Variants in IL1RAPL1 observed in about 807,000 individuals in gnomAD.
IL1RAPL1 encodes interleukin 1 receptor accessory protein like 1.
IL1RAPL1 carries 3 observed loss-of-function variants against 48.4 expected under a neutral mutation model. The observed-to-expected ratio is 0.06, with a 90% CI of 0.03 to 0.16. The LOEUF (loss-of-function observed/expected upper bound fraction) is 0.16. IL1RAPL1 is among the 10% of genes least tolerant of loss of function. The pLI, the probability that IL1RAPL1 is intolerant of heterozygous loss-of-function variation, is 1.00. For missense variants in IL1RAPL1, 349 were observed against 530.6 expected, an observed-to-expected ratio of 0.66 and a Z score of 3.36; for synonymous variants, 185 against 187.7, an observed-to-expected ratio of 0.99 and a Z score of 0.12.
At chrX:29,533,360 T>C (rs747000476) in intron 5 of IL1RAPL1, among the ~76,000 whole-genome samples, 1 of 112,424 alleles carries the variant, frequency 8.9e-6, no homozygotes, top group African/African-American at 3.2e-5. Flanking sequence ...TGGAATCATA[T>C]ACCATGTGGA....
intron 6 of IL1RAPL1, among the ~76,000 whole-genome samples, chrX:29,839,697 C>T (rs1375143571): frequency 2.7e-5 from 3 of 112,328 alleles, no homozygotes; most frequent in African/African-American, 9.7e-5. Flanking sequence ...GAGAGGATCA[C>T]TTGAGGCCAG....
chrX:28,948,467 G>A (rs1304386037), intron 2 of IL1RAPL1, among the ~76,000 whole-genome samples: 1 of 110,585 alleles, frequency 9.0e-6, no homozygotes, highest in Non-Finnish European at 1.9e-5. Flanking sequence ...TGAACCCCAT[G>A]CAGAGAGAAG....
chrX:29,180,576 C>T (rs1390193866), intron 2 of IL1RAPL1, among the ~76,000 whole-genome samples: 4 of 110,390 alleles, frequency 3.6e-5, no homozygotes, highest in East Asian at 5.7e-4. Context: ...GGGGTTTCAC[C>T]GTGTTGGCCA....
intron 2 of IL1RAPL1, among the ~76,000 whole-genome samples, chrX:28,829,381 T>C (rs751267366): frequency 9.0e-6 from 1 of 110,678 alleles, no homozygotes; most frequent in East Asian, 2.9e-4. Context: ...TCTGGTACAG[T>C]GTTGAATGGA....
chrX:29,566,526 G>A (rs1922412575), intron 5 of IL1RAPL1, among the ~76,000 whole-genome samples: 1 of 112,113 alleles, frequency 8.9e-6, no homozygotes, highest in Non-Finnish European at 1.9e-5. Flanking sequence ...GGGATAAATA[G>A]CAAATTTCTA....
intron 5 of IL1RAPL1, among the ~76,000 whole-genome samples, chrX:29,570,007 T>A (rs1433008881): frequency 8.9e-6 from 1 of 112,029 alleles, no homozygotes; most frequent in African/African-American, 3.2e-5. Flanking sequence ...CATATGGAAA[T>A]ACGTGAAGGC....
chrX:29,886,906 G>C (rs1932179732), intron 6 of IL1RAPL1, among the ~76,000 whole-genome samples: 1 of 111,743 alleles, frequency 8.9e-6, no homozygotes, highest in Non-Finnish European at 1.9e-5. Flanking sequence ...TTATACCCTT[G>C]TTTTGATGAT....
intron 6 of IL1RAPL1, among the ~76,000 whole-genome samples, chrX:29,764,223 C>A (rs1928823750): frequency 9.0e-6 from 1 of 111,557 alleles, no homozygotes; most frequent in Admixed American, 9.6e-5. Context: ...CTATGATACT[C>A]CAGAGGCACA....
chrX:29,796,039 C>T (rs138345514), intron 6 of IL1RAPL1, among the ~76,000 whole-genome samples: 274 of 112,210 alleles, frequency 2.4e-3, no homozygotes, highest in African/African-American at 8.5e-3. Flanking sequence ...CTCAGTTTAC[C>T]CTTTGTAAAT....
chrX:28,847,732 C>T lies in IL1RAPL1; in HGVS notation c.82+58307C>T, dbSNP rs185603841. Among the ~76,000 whole-genome samples the T allele has an allele frequency of 6.1e-3, 685 of 111,587 alleles. 2 individuals are homozygous for T. Among genetic ancestry groups the T allele is most frequent in the Non-Finnish European group, 0.011 (571 of 53,101 alleles). On this transcript the variant is annotated intron_variant, in intron 2 of 10. Transcript: ENST00000378993. ...GCTCCCCTGCCTGTCACAGTCAGCT[C>T]CTTCAGGTCTTTTCTCAAACACCTC...
At chrX:29,645,176 A>T (rs1343251675) in intron 5 of IL1RAPL1, among the ~76,000 whole-genome samples, 1 of 112,143 alleles carries the variant, frequency 8.9e-6, no homozygotes, top group African/African-American at 3.2e-5. Context: ...ACTGGTACCT[A>T]ATATTTTTCA....
At chrX:28,773,152 C>G (rs1324296146) in intron 1 of IL1RAPL1, among the ~76,000 whole-genome samples, 5 of 110,832 alleles carry the variant, frequency 4.5e-5, no homozygotes, top group African/African-American at 1.6e-4. Flanking sequence ...TAGCACACTG[C>G]AGCCTCGAAC....
intron 2 of IL1RAPL1, among the ~76,000 whole-genome samples, chrX:28,839,611 CAGTG>C (rs1921315665): frequency 2.7e-5 from 3 of 110,583 alleles, no homozygotes; most frequent in African/African-American, 9.8e-5. Flanking sequence ...TGCATGTTGA[CAGTG>C]AGAGCTACAA....
chrX:29,107,018 ATTC>A (rs1928462082), intron 2 of IL1RAPL1, among the ~76,000 whole-genome samples: 1 of 111,888 alleles, frequency 8.9e-6, no homozygotes, highest in Admixed American at 9.5e-5. Flanking sequence ...CTCTTTTTCT[ATTC>A]TTGAGCAAAA....
intron 5 of IL1RAPL1, among the ~76,000 whole-genome samples, chrX:29,567,060 C>G (rs1228814257): frequency 9.0e-6 from 1 of 111,090 alleles, no homozygotes; most frequent in Non-Finnish European, 1.9e-5. Context: ...TTGATAATGT[C>G]AAATAATTTT....
chrX:28,930,751 C>T (rs904284430), intron 2 of IL1RAPL1, among the ~76,000 whole-genome samples: 1 of 111,746 alleles, frequency 8.9e-6, no homozygotes, highest in Non-Finnish European at 1.9e-5. Flanking sequence ...AAGCCATTCT[C>T]CTGCCTCAGT....
chrX:29,077,763 C>T (rs764484213), intron 2 of IL1RAPL1, among the ~76,000 whole-genome samples: 9 of 111,260 alleles, frequency 8.1e-5, no homozygotes, highest in Middle Eastern at 4.7e-3. Flanking sequence ...TCACAAGACA[C>T]GGCAAATCTA....
At chrX:29,390,985 C>T (rs1933845928) in intron 3 of IL1RAPL1, among the ~76,000 whole-genome samples, 1 of 110,905 alleles carries the variant, frequency 9.0e-6, no homozygotes, top group African/African-American at 3.3e-5. Context: ...ACCAGCCTGA[C>T]CAACATGGTG....
intron 2 of IL1RAPL1, among the ~76,000 whole-genome samples, chrX:29,030,889 A>G (rs1180189999): frequency 2.7e-5 from 3 of 111,957 alleles, no homozygotes; most frequent in Admixed American, 1.9e-4. Context: ...GGGTGATAAG[A>G]CTGTCTTAAA....
Sources: allele counts gnomAD v4.1 joint callset (sites outside exome capture counted in the v4.1 genomes callset), GRCh38; gene constraint gnomAD v4.1.1; transcripts MANE v1.5; gene names NCBI Gene and HGNC (gene_info 2026-07-23, HGNC 2026-07-21).